The following TNFAIP3 variants were observed in gnomAD, a reference collection of about 807,000 sequenced individuals.
TNFAIP3 encodes the protein tumor necrosis factor alpha-induced protein 3.
TNFAIP3 carries 9 observed loss-of-function variants against 72.4 expected under a neutral mutation model. The ratio of observed to expected loss-of-function variants is 0.12; its 90% CI spans 0.07 to 0.22. The LOEUF is 0.22. Among genes scored for constraint, TNFAIP3 ranks in the 10% least tolerant of loss-of-function variants. TNFAIP3 has a pLI of 1.00. For missense variants in TNFAIP3, 833 were observed against 1,018.7 expected, an observed-to-expected ratio of 0.82 and a Z score of 2.48; for synonymous variants, 339 against 372.6, an observed-to-expected ratio of 0.91 and a Z score of 1.04.
rs1413802719 is a variant in TNFAIP3 at position 137,882,352 on chromosome 6, T to A, written c.*1033T>A. ...CTTCAAGATTATTTAAGTGAAGATATTTCTTCAGCTCTGGGGAAAATGCCA... is the reference window on the plus strand; with the variant it reads ...CTTCAAGATTATTTAAGTGAAGATAATTCTTCAGCTCTGGGGAAAATGCCA... On this transcript the variant is annotated 3_prime_UTR_variant, in exon 9 of 9. Coordinates refer to ENST00000612899, the MANE Select transcript of TNFAIP3 (RefSeq NM_001270508.2). The A allele has an allele frequency of 4.3e-6, 1 of 232,320 alleles. No homozygotes were observed. The highest frequency in any genetic ancestry group is 8.5e-6 in the Non-Finnish European group (1 of 117,468). The allele number at this position is 232,320 out of a possible 1,614,324, so 14.4% of individuals were successfully genotyped here. A position where few individuals can be genotyped will look rare whatever the true frequency, so the allele number is the denominator to read the frequency against.
chr6:137,880,974 C>T, intron 8 of TNFAIP3, 61 bp from the exon 9 acceptor site: 2 of 1,520,066 alleles, frequency 1.3e-6, no homozygotes, highest in Non-Finnish European at 1.8e-6. Context: ...TGTGCTCTCC[C>T]TAAGAAATGT....
rs1431548821 is a variant in TNFAIP3, at chr6:137,871,165, TA to T, written c.-15-45del. 52 of 1,528,226 alleles carry T rather than the reference TA, an allele frequency of 3.4e-5. No individual in the cohort carries two copies. Among genetic ancestry groups the T allele is most frequent in the Non-Finnish European group, 4.6e-5 (52 of 1,140,332 alleles). 94.7% of individuals were successfully genotyped at this position (1,528,226 alleles called of 1,614,324 possible). Reference sequence around the variant, plus strand: ...GCAGGCAGCTATAGAGGAGTCGTATTAAAGTCAGGCTAATAGAATGGCTTTT... The same window carrying T: ...GCAGGCAGCTATAGAGGAGTCGTATTAAGTCAGGCTAATAGAATGGCTTTT... On this transcript the variant is annotated intron_variant, in intron 1 of 8. Coordinates refer to ENST00000612899, the MANE Select transcript of TNFAIP3 (RefSeq NM_001270508.2). The surrounding 1 kb of genome is among the most constrained non-coding windows in gnomAD (Gnocchi z 4.2).
At position 137,874,931 on chromosome 6, in the gene TNFAIP3, A is replaced by G. The variant is rs1464575776; in HGVS notation, c.382A>G (p.Ser128Gly). ...TDLVLRKALF[S>G]TLKETDTRNF... ...CTTGGTACTGAGGAAGGCGCTGTTC[A>G]GCACGCTCAAGGAAACAGACACACG... The change falls in exon 3 of 9, where the codon AGC (serine) becomes GGC (glycine). Residue 128 changes from serine (S) to glycine (G), a missense_variant. By Grantham distance (56) the Ser-to-Gly change is moderately conservative. Transcript: ENST00000612899. The G allele has an allele frequency of 6.2e-7, 1 of 1,614,272 alleles. No individual in the cohort carries two copies. Among genetic ancestry groups the G allele is most frequent in the Non-Finnish European group, 8.5e-7 (1 of 1,180,050 alleles).
intron 2 of TNFAIP3, among the ~76,000 whole-genome samples, chr6:137,873,913 G>A (rs1460089458): frequency 3.3e-5 from 5 of 152,148 alleles, no homozygotes; most frequent in Admixed American, 3.3e-4. Context: ...AAGAAACAAT[G>A]TAACTTTTCA....
Position 137,878,946 on chromosome 6 carries a change from G to A in TNFAIP3, c.1501G>A (p.Ala501Thr), listed in dbSNP as rs141614391. 5 of 1,614,036 alleles carry A rather than the reference G, an allele frequency of 3.1e-6. No individual in the cohort carries two copies. The highest frequency in any genetic ancestry group is 2.7e-5 in the African/African-American group (2 of 74,910). Residue 501 changes from alanine (A) to threonine (T), a missense_variant, in exon 7 of 9, where the codon GCC becomes ACC. Transcript: ENST00000612899. ...CGGATTTTGTGAACGTTGCCACAAC[G>A]CCCGGCAACTTCACGCCAGCCACGC... ...HNGFCERCHN[A>T]RQLHASHAPD...
In TNFAIP3 at chr6:137,883,194, G is replaced by T. The variant is rs545778215; in HGVS notation, c.*1875G>T. ...TTATTATAAAAAGTATTTGAAATTT[G>T]CACATTTAATTGTCCCTAATAGAAA... is the stretch of plus-strand genomic sequence containing the variant. On this transcript the variant is annotated 3_prime_UTR_variant, in exon 9 of 9. Transcript: ENST00000612899. 16 of 199,934 alleles carry T rather than the reference G, an allele frequency of 8.0e-5. No homozygotes were observed. The Admixed American group carries it at 9.0e-4, about 11-fold the overall frequency. 12.4% of individuals were successfully genotyped at this position (199,934 alleles called of 1,614,324 possible).
intron 1 of TNFAIP3, chr6:137,868,278 G>A (rs1775913632): frequency 6.6e-6 from 1 of 152,336 alleles, no homozygotes; most frequent in African/African-American, 2.4e-5. Context: ...AGCCCGCTTT[G>A]TTTTCGGTTC....
intron 2 of TNFAIP3, among the ~76,000 whole-genome samples, chr6:137,872,805 A>G (rs1049128400): frequency 2.0e-5 from 3 of 152,210 alleles, no homozygotes; most frequent in African/African-American, 7.2e-5. Flanking sequence ...TGTGGTTTTA[A>G]TCATCTCCCA....
At chr6:137,877,673 T>C (rs930541252) in intron 6 of TNFAIP3, among the ~76,000 whole-genome samples, 1 of 152,208 alleles carries the variant, frequency 6.6e-6, no homozygotes, top group Non-Finnish European at 1.5e-5. Context: ...ACATCAGACA[T>C]AGATGGAGCT....
At chr6:137,875,895 C>T (rs1247936174) in intron 4 of TNFAIP3, 60 bp downstream of exon 4, 2 of 1,606,196 alleles carry the variant, frequency 1.2e-6, no homozygotes, top group Non-Finnish European at 1.7e-6. Flanking sequence ...TGCCTTGGCT[C>T]CTGGAGAAAA....
At position 137,874,849 on chromosome 6, in the gene TNFAIP3, C is replaced by T. The variant is rs368218194; in HGVS notation, c.300C>T (p.Asp100=). ...RKLVALKTNG[D]GNCLMHATSQ... is the part of the protein sequence containing the mutation. ...TCTCCTCCTTTCTGTCCTCAGGTGACGGCAATTGCCTCATGCATGCCACTT... is the reference window on the plus strand; with the variant it reads ...TCTCCTCCTTTCTGTCCTCAGGTGATGGCAATTGCCTCATGCATGCCACTT... Residue 100 remains aspartate (D), a synonymous_variant, in exon 3 of 9, where the codon GAC becomes GAT. Transcript: ENST00000612899. 5.2e-5 allele frequency: 84 copies of T among 1,612,740 alleles called. No homozygotes were observed. The African/African-American group carries it at 6.0e-4, about 12-fold the overall frequency.
chr6:137,866,764 A>C (rs1338713315), upstream of TNFAIP3: 1 of 152,376 alleles, frequency 6.6e-6, no homozygotes, highest in Non-Finnish European at 1.5e-5. Context: ...TGCACAGCCC[A>C]AACTTTTCAG....
rs5029968 is a variant in TNFAIP3, at chr6:137,882,526, G to C, written c.*1207G>C. On this transcript the variant is annotated 3_prime_UTR_variant, in exon 9 of 9. Coordinates refer to ENST00000612899, the MANE Select transcript of TNFAIP3 (RefSeq NM_001270508.2). ...TCCAAGGTATACATACATATTCATC[G>C]ATGTTTCGTGCTTCTCCTTATGAAA... 4.3e-6 allele frequency: 1 copy of C among 232,080 alleles called. No homozygotes were observed. The highest frequency in any genetic ancestry group is 8.5e-6 in the Non-Finnish European group (1 of 117,348). 14.4% of individuals were successfully genotyped at this position (232,080 alleles called of 1,614,324 possible). A position where few individuals can be genotyped will look rare whatever the true frequency, so the allele number is the denominator to read the frequency against.
intron 1 of TNFAIP3, among the ~76,000 whole-genome samples, chr6:137,870,459 G>C (rs527869784): frequency 6.6e-6 from 1 of 152,092 alleles, no homozygotes; most frequent in African/African-American, 2.4e-5. Flanking sequence ...TATGAAGTCC[G>C]GTGCGGAGGT....
intron 7 of TNFAIP3, among the ~76,000 whole-genome samples, chr6:137,879,625 C>T (rs550640260): frequency 6.6e-5 from 10 of 152,324 alleles, no homozygotes; most frequent in Admixed American, 1.3e-4. Flanking sequence ...TTTTACTAGA[C>T]CATTCAGGTC....
At chr6:137,870,317 C>T (rs1253398372) in intron 1 of TNFAIP3, among the ~76,000 whole-genome samples, 1 of 152,170 alleles carries the variant, frequency 6.6e-6, no homozygotes, top group Non-Finnish European at 1.5e-5. Context: ...AGACCTAGGT[C>T]TCACCGTGTT....
chr6:137,882,186 CTAAA>C lies in TNFAIP3; in HGVS notation c.*871_*874del, dbSNP rs1408888242. ...CTGCCCTAGAAGTACAATAGGAAGG[CTAAA>C]TAATAATAACCTGTTTTCTGGTTGT... On this transcript the variant is annotated 3_prime_UTR_variant, in exon 9 of 9. Coordinates refer to ENST00000612899, the MANE Select transcript of TNFAIP3 (RefSeq NM_001270508.2). The C allele has an allele frequency of 4.3e-6, 1 of 231,770 alleles. No individual in the cohort carries two copies. Among genetic ancestry groups the C allele is most frequent in the Admixed American group, 5.6e-5 (1 of 17,724 alleles). 14.4% of individuals were successfully genotyped at this position (231,770 alleles called of 1,614,324 possible). A position where few individuals can be genotyped will look rare whatever the true frequency, so the allele number is the denominator to read the frequency against.
rs1009153542 is a variant in TNFAIP3, at chr6:137,882,464, C to A, written c.*1145C>A. 4.3e-6 allele frequency: 1 copy of A among 232,800 alleles called. No homozygotes were observed. Among genetic ancestry groups the A allele is most frequent in the African/African-American group, 2.2e-5 (1 of 45,300 alleles). 14.4% of individuals were successfully genotyped at this position (232,800 alleles called of 1,614,324 possible). Reference sequence around the variant, plus strand: ...AGGGAGTAAATTGGCCTCTTTGATACACTTTTGCTTGCCTCCCCAGGAAAG... The same window carrying A: ...AGGGAGTAAATTGGCCTCTTTGATAAACTTTTGCTTGCCTCCCCAGGAAAG... On this transcript the variant is annotated 3_prime_UTR_variant, in exon 9 of 9. Transcript: ENST00000612899.
chr6:137,880,050 C>T (rs1330725654), intron 7 of TNFAIP3, 21 bp from the exon 8 acceptor site: 27 of 1,612,972 alleles, frequency 1.7e-5, no homozygotes, highest in Non-Finnish European at 2.3e-5. Flanking sequence ...GTGGTACTAA[C>T]TAGCATCCAT....
Sources: gnomAD v4.1 joint callset for allele counts (sites outside exome capture counted in the v4.1 genomes callset) on GRCh38, gnomAD v4.1.1 for gene constraint, Gnocchi (gnomAD v3.1) non-coding constraint, MANE v1.5 for transcripts, NCBI Gene and HGNC (gene_info 2026-07-23, HGNC 2026-07-21) for gene names.